Variants in KATNIP observed in about 807,000 individuals in gnomAD.
The protein encoded by KATNIP is katanin-interacting protein.
A neutral mutation model predicts 174.0 loss-of-function variants in KATNIP; 126 were observed. That is an observed-to-expected ratio of 0.72 (90% confidence interval 0.63 to 0.84). KATNIP has a LOEUF of 0.84. Among genes scored for constraint, KATNIP ranks in the 40% least tolerant of loss-of-function variants. The pLI, the probability that KATNIP is intolerant of heterozygous loss-of-function variation, is 0.00. For synonymous variants in KATNIP, 810 were observed against 835.7 expected (o/e 0.97, Z 0.53); for missense variants, 1,958 against 2,109.7 (o/e 0.93, Z 1.41).
intron 3 of KATNIP, among the ~76,000 whole-genome samples, chr16:27,623,617 A>C (rs894858911): frequency 1.3e-5 from 2 of 151,996 alleles, no homozygotes; most frequent in Non-Finnish European, 2.9e-5. Context: ...GGGCCACCAC[A>C]TCCAGCTAAT....
chr16:27,679,572 C>T (rs1047170557), intron 7 of KATNIP, among the ~76,000 whole-genome samples: 3 of 151,794 alleles, frequency 2.0e-5, no homozygotes, highest in Non-Finnish European at 4.4e-5. Context: ...CATGGCAAGA[C>T]CCCATCTCTA....
chr16:27,672,644 T>G (rs543062373), intron 6 of KATNIP, among the ~76,000 whole-genome samples: 2 of 152,222 alleles, frequency 1.3e-5, no homozygotes, highest in Non-Finnish European at 2.9e-5. Context: ...GTCTGTGTTA[T>G]GCGTGGATAA....
chr16:27,718,153 C>T (rs1364115107), intron 13 of KATNIP: 1 of 152,264 alleles, frequency 6.6e-6, no homozygotes, highest in East Asian at 1.9e-4. Context: ...CACTCCACCA[C>T]GTAGGTGCTG....
Position 27,750,234 on chromosome 16 carries a change from A to G in KATNIP, c.3274A>G (p.Ile1092Val), listed in dbSNP as rs773375628. The change falls in exon 16 of 28, where the codon ATC (isoleucine) becomes GTC (valine). Residue 1092 changes from isoleucine (I) to valine (V), a missense_variant. This residue lies in a region of KATNIP where 1,557 missense variants were observed against 1,617.8 expected (regional missense o/e 0.96). Coordinates refer to ENST00000261588, the MANE Select transcript of KATNIP (RefSeq NM_015202.5). The stretch of plus-strand genomic sequence containing the variant: ...ACATTCCTTCCGAGGCGTGAAGGAC[A>G]TCACAATGCTGTTAGACACCCAGTG... Reference protein sequence around the residue: ...RIHSFRGVKDITMLLDTQCIF... With the variant: ...RIHSFRGVKDVTMLLDTQCIF... 3.7e-6 allele frequency: 6 copies of G among 1,614,118 alleles called. No homozygotes were observed. The highest frequency in any genetic ancestry group is 1.1e-5 in the South Asian group (1 of 91,078).
chr16:27,627,763 A>C (rs1349491740), intron 3 of KATNIP, among the ~76,000 whole-genome samples: 1 of 152,234 alleles, frequency 6.6e-6, no homozygotes, highest in African/African-American at 2.4e-5. Context: ...ACTGAAGAAG[A>C]GGCACACTTG....
At chr16:27,735,542 G>T (rs568958435) in intron 14 of KATNIP, among the ~76,000 whole-genome samples, 2 of 152,344 alleles carry the variant, frequency 1.3e-5, no homozygotes, top group South Asian at 4.1e-4. Flanking sequence ...TTCACAGCAC[G>T]CACTTGCTCT....
At chr16:27,727,255 C>A in intron 14 of KATNIP, 1 of 218,328 alleles carries the variant, frequency 4.6e-6, no homozygotes, top group Non-Finnish European at 1.0e-5. Context: ...GTGGCGTGAT[C>A]ATGGCTCACT....
At position 27,776,523 on chromosome 16, in the gene KATNIP, CAG is replaced by C. The variant is rs2082503731; in HGVS notation, c.4450-404_4450-403del. On this transcript the variant is annotated intron_variant, in intron 24 of 27. Transcript: ENST00000261588. This position sits in a 1 kb window ranked among gnomAD's most constrained non-coding sequence, Gnocchi z 4.7. ...AGTGATGGTTTGGGGAAAGGACAGA[CAG>C]GGTCAGATGCTGATCACCATGGCTG... Among the ~76,000 whole-genome samples the C allele has an allele frequency of 3.9e-5, 6 of 152,322 alleles. No homozygotes were observed. The South Asian group carries it at 1.2e-3, about 32-fold the overall frequency.
intron 1 of KATNIP, among the ~76,000 whole-genome samples, chr16:27,553,380 C>G (rs999210782): frequency 6.6e-6 from 1 of 152,200 alleles, no homozygotes; most frequent in Non-Finnish European, 1.5e-5. Flanking sequence ...CAGCTGTTTC[C>G]TTGAAGTGAC....
chr16:27,662,047 TAC>T (rs1381690290), intron 6 of KATNIP, among the ~76,000 whole-genome samples: 3 of 31,458 alleles, frequency 9.5e-5, no homozygotes, highest in East Asian at 4.2e-4. Flanking sequence ...TATATACACA[TAC>T]ATATATATAT....
chr16:27,663,257 A>G (rs909311485), intron 6 of KATNIP, among the ~76,000 whole-genome samples: 3 of 144,456 alleles, frequency 2.1e-5, no homozygotes, highest in Non-Finnish European at 4.5e-5. Context: ...TTGGCCTCCC[A>G]AAGTGCTAGG....
intron 1 of KATNIP, among the ~76,000 whole-genome samples, chr16:27,565,688 G>T (rs929793841): frequency 1.3e-5 from 2 of 151,766 alleles, no homozygotes; most frequent in African/African-American, 2.4e-5. Flanking sequence ...GGAGGCTGAG[G>T]TGGGAGAATG....
chr16:27,592,814 C>CA (rs945945216), intron 2 of KATNIP, among the ~76,000 whole-genome samples: 1 of 152,198 alleles, frequency 6.6e-6, no homozygotes, highest in Non-Finnish European at 1.5e-5. Flanking sequence ...CTCAACCTCC[C>CA]AAATTGTTGG....
intron 4 of KATNIP, among the ~76,000 whole-genome samples, chr16:27,629,283 T>A (rs887064920): frequency 1.2e-4 from 18 of 151,538 alleles, no homozygotes; most frequent in African/African-American, 4.4e-4. Flanking sequence ...GAAAGAGAAA[T>A]CCTGTTTTAT....
chr16:27,711,145 G>C (rs2079554523), intron 13 of KATNIP, among the ~76,000 whole-genome samples: 1 of 152,192 alleles, frequency 6.6e-6, no homozygotes, highest in Non-Finnish European at 1.5e-5. Flanking sequence ...GGCCAGGAGA[G>C]GATGGGCCTT....
chr16:27,602,827 T>C lies in KATNIP; in HGVS notation c.64-15598T>C, dbSNP rs185284738. Among the ~76,000 whole-genome samples, 5 of 152,142 alleles carry C rather than the reference T, an allele frequency of 3.3e-5. No homozygotes were observed. In the East Asian group the frequency reaches 9.7e-4, roughly 29 times the overall value. On this transcript the variant is annotated intron_variant, in intron 2 of 27. Transcript: ENST00000261588. ...GATTCTCCTGCCTCAGCCTCCCGAGTAGCTGTGATTACAGGCGCCCACCAC... is the reference window on the plus strand; with the variant it reads ...GATTCTCCTGCCTCAGCCTCCCGAGCAGCTGTGATTACAGGCGCCCACCAC...
Position 27,681,541 on chromosome 16 carries a change from CG to C in KATNIP, c.940+16del. 3 of 1,613,934 alleles carry C rather than the reference CG, an allele frequency of 1.9e-6. No individual in the cohort carries two copies. The highest frequency in any genetic ancestry group is 1.7e-6 in the Non-Finnish European group (2 of 1,179,914). ...AGAGGATGTGCTCCAGTAAGAGTTC[CG>C]GGGGCCCCTGAGCAGGGGAGCAGGG... On this transcript the variant is annotated intron_variant, in intron 8 of 27. Coordinates refer to ENST00000261588, the MANE Select transcript of KATNIP (RefSeq NM_015202.5).
In KATNIP at chr16:27,766,384, T is replaced by C. The variant is rs774928064; in HGVS notation, c.3885T>C (p.His1295=). The part of the protein sequence containing the change: ...WLIPFSPGLD[H]VVTIRLDRAE... ...TCCCCTTCTCGCCGGGGCTGGACCA[T>C]GTGGTCACGATCCGCCTGGACAGGG... The change falls in exon 20 of 28, where the codon CAT becomes CAC. Residue 1295 remains histidine (H), a synonymous_variant. Transcript: ENST00000261588. 4.3e-6 allele frequency: 7 copies of C among 1,614,136 alleles called. No individual in the cohort carries two copies. The highest frequency in any genetic ancestry group is 1.7e-5 in the Admixed American group (1 of 60,028).
chr16:27,688,041 G>C (rs1010812495), intron 8 of KATNIP, among the ~76,000 whole-genome samples: 2 of 152,206 alleles, frequency 1.3e-5, no homozygotes, highest in African/African-American at 2.4e-5. Context: ...TGCTCAGATG[G>C]TCTCTCGGGA....
Sources: allele counts gnomAD v4.1 joint callset (sites outside exome capture counted in the v4.1 genomes callset), GRCh38; gene constraint gnomAD v4.1.1; regional missense constraint gnomAD v4.1.1; non-coding constraint Gnocchi (gnomAD v3.1); transcripts MANE v1.5; gene names NCBI Gene and HGNC (gene_info 2026-07-23, HGNC 2026-07-21).